Variants in TASP1 observed in about 807,000 individuals in gnomAD.
The protein encoded by TASP1 is threonine aspartase 1.
A neutral mutation model predicts 56.6 loss-of-function variants in TASP1; 16 were observed. That is an observed-to-expected ratio of 0.28 (90% CI 0.19 to 0.43). TASP1 has a LOEUF of 0.43. TASP1 is among the 20% of genes least tolerant of loss of function. The pLI is 1.00. For synonymous variants in TASP1, 179 were observed against 184.2 expected, an observed-to-expected ratio of 0.97 and a Z score of 0.23; for missense variants, 393 against 511.6, an observed-to-expected ratio of 0.77 and a Z score of 2.24.
intron 8 of TASP1, among the ~76,000 whole-genome samples, chr20:13,536,058 C>T (rs1019864447): frequency 2.6e-5 from 4 of 152,148 alleles, no homozygotes; most frequent in Admixed American, 1.3e-4. Flanking sequence ...TATATCTTTG[C>T]AATCTTGGGT....
chr20:13,226,414 AT>A, the TASP1 span, among the ~76,000 whole-genome samples: 16 of 148,570 alleles, frequency 1.1e-4, no homozygotes, highest in South Asian at 6.3e-4. Context: ...TTTTACTGGA[AT>A]TTTTTTTTTT....
At chr20:13,169,357 T>C in the TASP1 span, among the ~76,000 whole-genome samples, 1 of 152,146 alleles carries the variant, frequency 6.6e-6, no homozygotes, top group African/African-American at 2.4e-5. Flanking sequence ...TCTAGAGAGC[T>C]GTCTGTTAAA....
At chr20:13,461,153 C>A (rs538810355) in intron 11 of TASP1, among the ~76,000 whole-genome samples, 10 of 152,154 alleles carry the variant, frequency 6.6e-5, no homozygotes, top group Non-Finnish European at 1.5e-4. Context: ...TTCTTCCCTC[C>A]ACTGGCCACA....
the TASP1 span, among the ~76,000 whole-genome samples, chr20:13,159,274 G>T: frequency 2.0e-5 from 3 of 152,172 alleles, no homozygotes; most frequent in Non-Finnish European, 4.4e-5. Flanking sequence ...TAGGCTGTAA[G>T]GTTCTCTGCG....
At chr20:13,188,157 C>T in the TASP1 span, among the ~76,000 whole-genome samples, 1 of 152,106 alleles carries the variant, frequency 6.6e-6, no homozygotes, top group Non-Finnish European at 1.5e-5. Flanking sequence ...TAAGGATGCC[C>T]ACTTTTACCA....
the TASP1 span, among the ~76,000 whole-genome samples, chr20:13,382,090 G>A: frequency 6.6e-6 from 1 of 152,024 alleles, no homozygotes; most frequent in Non-Finnish European, 1.5e-5. Flanking sequence ...TGAAAGGAGA[G>A]GCAGCCCCAG....
At chr20:13,576,783 A>G (rs2147185356) in intron 6 of TASP1, among the ~76,000 whole-genome samples, 1 of 152,350 alleles carries the variant, frequency 6.6e-6, no homozygotes, top group Non-Finnish European at 1.5e-5. Context: ...GTTGAAAACT[A>G]TGTTTGTGAG....
intron 8 of TASP1, among the ~76,000 whole-genome samples, chr20:13,548,290 T>C (rs1250296058): frequency 6.6e-6 from 1 of 151,932 alleles, no homozygotes; most frequent in Non-Finnish European, 1.5e-5. Context: ...GGCAGGGCAG[T>C]TGTGGGCAGA....
chr20:13,205,775 C>T, the TASP1 span, among the ~76,000 whole-genome samples: 1 of 152,142 alleles, frequency 6.6e-6, no homozygotes, highest in African/African-American at 2.4e-5. Context: ...TCTGCCTTGT[C>T]ATCAAGTAGG....
At chr20:13,522,601 G>A (rs2044806859) in intron 10 of TASP1, among the ~76,000 whole-genome samples, 1 of 152,154 alleles carries the variant, frequency 6.6e-6, no homozygotes. Flanking sequence ...CTCATATTCG[G>A]ACATGCTAAA....
chr20:13,149,041 C>T, the TASP1 span, among the ~76,000 whole-genome samples: 4 of 152,162 alleles, frequency 2.6e-5, no homozygotes, highest in Non-Finnish European at 5.9e-5. Context: ...AGTTTGATTC[C>T]CATTCCACTT....
At chr20:13,275,196 A>G in the TASP1 span, among the ~76,000 whole-genome samples, 7 of 150,650 alleles carry the variant, frequency 4.6e-5, no homozygotes, top group East Asian at 1.3e-3. Context: ...TCTCCCATTA[A>G]GACGGACTTA....
At chr20:13,470,827 G>C (rs1036293841) in intron 11 of TASP1, among the ~76,000 whole-genome samples, 2 of 152,074 alleles carry the variant, frequency 1.3e-5, no homozygotes, top group African/African-American at 4.8e-5. Flanking sequence ...ACAAACTTCA[G>C]AGTTGACTTG....
intron 11 of TASP1, 102 bp downstream of exon 11, chr20:13,483,125 G>T: frequency 1.3e-6 from 1 of 783,082 alleles, no homozygotes; most frequent in Non-Finnish European, 2.0e-6. Context: ...CTAGACCCTA[G>T]AGGTAGGTCT....
intron 12 of TASP1, among the ~76,000 whole-genome samples, chr20:13,431,706 C>T (rs545108621): frequency 1.1e-4 from 17 of 152,252 alleles, no homozygotes; most frequent in African/African-American, 3.1e-4. Flanking sequence ...TTCCCCAATA[C>T]GGCAGTATTA....
intron 11 of TASP1, among the ~76,000 whole-genome samples, chr20:13,465,916 G>C (rs1290655457): frequency 2.0e-5 from 3 of 152,118 alleles, no homozygotes; most frequent in Admixed American, 6.6e-5. Context: ...AAGGGGTTCT[G>C]TATCATGACT....
chr20:13,430,312 G>A (rs545162747), intron 12 of TASP1, among the ~76,000 whole-genome samples: 2 of 152,292 alleles, frequency 1.3e-5, no homozygotes, highest in East Asian at 1.9e-4. Flanking sequence ...CAGTTTCTGT[G>A]GGTCAGAAAT....
the TASP1 span, among the ~76,000 whole-genome samples, chr20:13,248,624 A>C: frequency 6.6e-6 from 1 of 152,154 alleles, no homozygotes. Flanking sequence ...GCTGGGGTGA[A>C]ATGTGCTCAG....
At chr20:13,348,758 G>A in the TASP1 span, among the ~76,000 whole-genome samples, 1 of 152,080 alleles carries the variant, frequency 6.6e-6, no homozygotes, top group Admixed American at 6.6e-5. Flanking sequence ...TTTATTTTTG[G>A]CTCTGGGCAT....
Sources: allele counts gnomAD v4.1 joint callset (sites outside exome capture counted in the v4.1 genomes callset), GRCh38; gene constraint gnomAD v4.1.1; transcripts MANE v1.5; gene names NCBI Gene and HGNC (gene_info 2026-07-23, HGNC 2026-07-21).